LYPD6B: variants seen among roughly 807,000 people sequenced by gnomAD.
The protein encoded by LYPD6B is LY6/PLAUR domain containing 6B.
In LYPD6B, 17 loss-of-function variants were observed where a neutral mutation model predicts 22.8. The observed-to-expected ratio is 0.75, with a 90% CI of 0.51 to 1.12. The LOEUF (loss-of-function observed/expected upper bound fraction) is 1.12. Ranked by LOEUF, LYPD6B falls within the 50% of genes most tolerant of loss-of-function variation. LYPD6B has a pLI of 0.00. For synonymous variants in LYPD6B, 106 were observed against 91.6 expected (o/e 1.16, Z -0.90); for missense variants, 221 against 258.3 (o/e 0.86, Z 0.99).
chr2:149,211,693 A>T (rs1693863724), intron 5 of LYPD6B, among the ~76,000 whole-genome samples: 1 of 152,130 alleles, frequency 6.6e-6, no homozygotes, highest in Non-Finnish European at 1.5e-5. Flanking sequence ...CCTATGACAA[A>T]GGCAGTTCCA....
intron 3 of LYPD6B, among the ~76,000 whole-genome samples, chr2:149,189,610 T>G (rs1575150574): frequency 6.6e-6 from 1 of 151,716 alleles, no homozygotes; most frequent in Non-Finnish European, 1.5e-5. Context: ...AAGGGAGAAG[T>G]GCTGCTAATA....
Position 149,212,669 on chromosome 2 carries a change from A to T in LYPD6B, c.329-323A>T, listed in dbSNP as rs547896410. Among the ~76,000 whole-genome samples the T allele has an allele frequency of 3.4e-3, 513 of 152,294 alleles. 2 individuals are homozygous for T. The highest frequency in any genetic ancestry group is 2.9e-3 in the Non-Finnish European group (200 of 68,028). ...TTCAGAGGGAGAGAGAGGGCCAGAGACATAAATATTTTCATATCAAATGAG... is the reference window on the plus strand; with the variant it reads ...TTCAGAGGGAGAGAGAGGGCCAGAGTCATAAATATTTTCATATCAAATGAG... On this transcript the variant is annotated intron_variant, in intron 5 of 6. Coordinates refer to ENST00000409642, the MANE Select transcript of LYPD6B (RefSeq NM_177964.5).
intron 2 of LYPD6B, among the ~76,000 whole-genome samples, chr2:149,159,766 A>G (rs1384161082): frequency 1.3e-5 from 2 of 152,100 alleles, no homozygotes; most frequent in Admixed American, 6.6e-5. Flanking sequence ...TGCAATCTTG[A>G]GTCCAAAGAG....
chr2:149,079,015 T>A (rs1489478325), intron 1 of LYPD6B, among the ~76,000 whole-genome samples: 1 of 151,558 alleles, frequency 6.6e-6, no homozygotes, highest in Non-Finnish European at 1.5e-5. Flanking sequence ...CTTTTTTTTT[T>A]TTTTAAATGC....
chr2:149,121,468 C>T (rs1415382334), intron 1 of LYPD6B, among the ~76,000 whole-genome samples: 3 of 152,146 alleles, frequency 2.0e-5, no homozygotes, highest in Non-Finnish European at 4.4e-5. Flanking sequence ...ATGATTGTTG[C>T]AGTCCCAGCA....
intron 3 of LYPD6B, among the ~76,000 whole-genome samples, chr2:149,182,793 G>T (rs1051396663): frequency 3.9e-5 from 6 of 152,176 alleles, no homozygotes; most frequent in Non-Finnish European, 8.8e-5. Context: ...CTTCAATAGG[G>T]TCAAGGGATT....
At chr2:149,064,342 A>G (rs1449263133) in intron 1 of LYPD6B, among the ~76,000 whole-genome samples, 5 of 152,236 alleles carry the variant, frequency 3.3e-5, no homozygotes, top group African/African-American at 7.2e-5. Context: ...AAAGAAGCAC[A>G]TTCAATACCG....
chr2:149,135,488 G>A (rs1202105459), intron 2 of LYPD6B, among the ~76,000 whole-genome samples: 1 of 151,760 alleles, frequency 6.6e-6, no homozygotes, highest in Non-Finnish European at 1.5e-5. Flanking sequence ...GGAAGGCCAA[G>A]GCGGGTGGAT....
At chr2:149,204,616 G>A (rs1267696242) in intron 3 of LYPD6B, 2 of 153,904 alleles carry the variant, frequency 1.3e-5, no homozygotes, top group South Asian at 2.0e-4. Context: ...AGAGCCTCCT[G>A]GCAGCTTCTT....
chr2:149,079,332 T>G (rs1300121814), intron 1 of LYPD6B, among the ~76,000 whole-genome samples: 1 of 152,250 alleles, frequency 6.6e-6, no homozygotes, highest in African/African-American at 2.4e-5. Context: ...GATGTTACTA[T>G]GTTTAATGTA....
intron 2 of LYPD6B, among the ~76,000 whole-genome samples, chr2:149,157,326 A>G (rs199557066): frequency 0.27 from 41,490 of 151,984 alleles, 7,158 homozygotes; most frequent in East Asian, 0.54. Flanking sequence ...TCAGTCTAAA[A>G]ACACACAGGA....
At position 149,205,298 on chromosome 2, in the gene LYPD6B, C is replaced by T. The variant is rs1007735962; in HGVS notation, c.123C>T (p.Leu41=). The change falls in exon 4 of 7, where the codon CTC becomes CTT. Residue 41 remains leucine (L), a synonymous_variant. Coordinates refer to ENST00000409642, the MANE Select transcript of LYPD6B (RefSeq NM_177964.5). ...DRPAHKVSML[L]LCHALAIAVV... ...CAGCACACAAGGTCAGCATGCTGCT[C>T]CTCTGTCACGCTCTCGCTATAGCTG... is the stretch of plus-strand genomic sequence containing the variant. 4 of 1,613,850 alleles carry T rather than the reference C, an allele frequency of 2.5e-6. No homozygotes were observed. The highest frequency in any genetic ancestry group is 3.4e-6 in the Non-Finnish European group (4 of 1,179,854).
intron 1 of LYPD6B, among the ~76,000 whole-genome samples, chr2:149,056,084 G>A (rs1412943632): frequency 6.6e-6 from 1 of 152,206 alleles, no homozygotes; most frequent in African/African-American, 2.4e-5. Context: ...TGCATAGGGA[G>A]GCTTGGCATA....
chr2:149,158,869 A>ACT (rs1446116939), intron 2 of LYPD6B, among the ~76,000 whole-genome samples: 1 of 152,248 alleles, frequency 6.6e-6, no homozygotes, highest in African/African-American at 2.4e-5. Context: ...AGCAATAGAG[A>ACT]AAACTTCTAC....
At chr2:149,130,035 C>A (rs2105689013) in intron 1 of LYPD6B, among the ~76,000 whole-genome samples, 1 of 152,286 alleles carries the variant, frequency 6.6e-6, no homozygotes, top group Admixed American at 6.5e-5. Context: ...AGTGGGTACA[C>A]CCGCCTCTTT....
rs141904531 is a variant in LYPD6B, at chr2:149,073,077, G to A, written c.-67+34276G>A. Among the ~76,000 whole-genome samples the A allele has an allele frequency of 1.2e-3, 183 of 152,316 alleles. 1 individual carries two copies. The highest frequency in any genetic ancestry group is 4.1e-3 in the Admixed American group (62 of 15,300). On this transcript the variant is annotated intron_variant, in intron 1 of 6. Transcript: ENST00000409642. The stretch of plus-strand genomic sequence containing the variant: ...ATGGTAAGAGGTGATGTCTTCATGG[G>A]TAATGCATGCCCAGTCACTGCTGGG...
At chr2:149,149,607 T>C (rs1024580549) in intron 2 of LYPD6B, among the ~76,000 whole-genome samples, 12 of 152,216 alleles carry the variant, frequency 7.9e-5, no homozygotes, top group Admixed American at 5.9e-4. Flanking sequence ...AGGGAAGACT[T>C]CTGCACAAGA....
At chr2:149,129,566 G>C (rs911920943) in intron 1 of LYPD6B, among the ~76,000 whole-genome samples, 2 of 152,228 alleles carry the variant, frequency 1.3e-5, no homozygotes, top group African/African-American at 2.4e-5. Flanking sequence ...TATAACTGGA[G>C]ATAATCTTTA....
intron 2 of LYPD6B, chr2:149,160,535 G>T: frequency 1.6e-6 from 1 of 637,602 alleles, no homozygotes; most frequent in Non-Finnish European, 2.9e-6. Context: ...CCAGGTGTGT[G>T]TTAATAAAAC....
Sources: gnomAD v4.1 joint callset for allele counts (sites outside exome capture counted in the v4.1 genomes callset) on GRCh38, gnomAD v4.1.1 for gene constraint, MANE v1.5 for transcripts, NCBI Gene and HGNC (gene_info 2026-07-23, HGNC 2026-07-21) for gene names.